The following HIVEP3 variants were observed in gnomAD, a reference collection of about 807,000 sequenced individuals.
HIVEP3 encodes transcription factor HIVEP3.
Under a neutral mutation model 152.8 loss-of-function variants are expected in HIVEP3, and 49 were observed. The observed-to-expected ratio is 0.32, with a 90% CI of 0.26 to 0.41. The LOEUF is 0.41. Among genes scored for constraint, HIVEP3 ranks in the 10% least tolerant of loss-of-function variants. HIVEP3 has a pLI of 1.00. For synonymous variants in HIVEP3, 1,269 were observed against 1,289.0 expected (o/e 0.98, Z 0.33); for missense variants, 2,790 against 3,103.3 (o/e 0.90, Z 2.40).
At chr1:41,612,415 A>C (rs1252507829) in intron 3 of HIVEP3, among the ~76,000 whole-genome samples, 1 of 152,106 alleles carries the variant, frequency 6.6e-6, no homozygotes, top group African/African-American at 2.4e-5. Flanking sequence ...CTCCTTGCAG[A>C]CCTCCTGTTC....
At chr1:41,777,284 C>T (rs958839074) in intron 1 of HIVEP3, among the ~76,000 whole-genome samples, 16 of 152,216 alleles carry the variant, frequency 1.1e-4, no homozygotes, top group African/African-American at 2.9e-4. Flanking sequence ...AGGAACAAAG[C>T]GGGGACTCAC....
At chr1:41,730,018 G>A (rs1186243544) in intron 1 of HIVEP3, among the ~76,000 whole-genome samples, 4 of 152,192 alleles carry the variant, frequency 2.6e-5, no homozygotes, top group Non-Finnish European at 5.9e-5. Context: ...AAAGTGAGTC[G>A]GCCAAGGTCC....
intron 1 of HIVEP3, among the ~76,000 whole-genome samples, chr1:41,713,707 G>A (rs1646548737): frequency 6.6e-6 from 1 of 152,192 alleles, no homozygotes; most frequent in Non-Finnish European, 1.5e-5. Flanking sequence ...GAACTCTCCA[G>A]TGACAGGGAA....
chr1:41,922,413 A>T (rs1644946072), upstream of HIVEP3, among the ~76,000 whole-genome samples: 1 of 152,208 alleles, frequency 6.6e-6, no homozygotes, highest in Admixed American at 6.5e-5. Context: ...TGAAAAAGAA[A>T]GGTATGTTCA....
At chr1:41,865,348 G>T (rs1643949430) in intron 1 of HIVEP3, among the ~76,000 whole-genome samples, 1 of 152,188 alleles carries the variant, frequency 6.6e-6, no homozygotes, top group African/African-American at 2.4e-5. Context: ...AATGCCATTT[G>T]CCACCTCTGG....
intron 5 of HIVEP3, among the ~76,000 whole-genome samples, chr1:41,525,836 C>A (rs370895028): frequency 6.6e-6 from 1 of 152,228 alleles, no homozygotes; most frequent in African/African-American, 2.4e-5. Context: ...GTCTCAGATG[C>A]GGTGGGGAGG....
intron 5 of HIVEP3, among the ~76,000 whole-genome samples, chr1:41,534,890 G>T (rs1217895006): frequency 6.6e-6 from 1 of 152,192 alleles, no homozygotes; most frequent in African/African-American, 2.4e-5. Context: ...CGGGAGAGGT[G>T]GGCAGGACAC....
intron 2 of HIVEP3, among the ~76,000 whole-genome samples, chr1:41,635,489 T>TATACAC (rs151222285): frequency 2.0e-5 from 3 of 147,362 alleles, no homozygotes; most frequent in African/African-American, 7.6e-5. Context: ...TATATATATA[T>TATACAC]ACACACACAT....
At chr1:41,709,208 C>T (rs577609326) in intron 1 of HIVEP3, among the ~76,000 whole-genome samples, 9 of 152,298 alleles carry the variant, frequency 5.9e-5, no homozygotes, top group South Asian at 2.1e-4. Context: ...CTGGGCTGTA[C>T]GTTTTTCAGC....
chr1:41,566,904 C>T (rs1644172718), intron 5 of HIVEP3, among the ~76,000 whole-genome samples: 1 of 152,074 alleles, frequency 6.6e-6, no homozygotes, highest in South Asian at 2.1e-4. Flanking sequence ...TTTCTTTCTT[C>T]TCCATCTCCC....
At chr1:41,639,895 C>G (rs957810377) in intron 2 of HIVEP3, among the ~76,000 whole-genome samples, 3 of 152,168 alleles carry the variant, frequency 2.0e-5, no homozygotes, top group African/African-American at 7.2e-5. Context: ...CAATGGAGCC[C>G]AGTCATTGAT....
intron 1 of HIVEP3, among the ~76,000 whole-genome samples, chr1:41,715,862 T>C (rs1042689076): frequency 1.3e-5 from 2 of 152,204 alleles, no homozygotes; most frequent in Non-Finnish European, 2.9e-5. Context: ...ACCTTAGCAT[T>C]TCTCTATGTC....
At chr1:41,685,446 A>G (rs1467840809) in intron 2 of HIVEP3, among the ~76,000 whole-genome samples, 3 of 152,204 alleles carry the variant, frequency 2.0e-5, no homozygotes, top group Admixed American at 6.5e-5. Context: ...ACTGCACTGT[A>G]AGTTCCTCAA....
At chr1:41,899,726 C>T (rs140941395) in intron 1 of HIVEP3, among the ~76,000 whole-genome samples, 88 of 152,306 alleles carry the variant, frequency 5.8e-4, no homozygotes, top group African/African-American at 2.0e-3. Flanking sequence ...CTAATGAGCA[C>T]GCTCATGAAA....
At chr1:41,637,891 A>T (rs1317682535) in intron 2 of HIVEP3, among the ~76,000 whole-genome samples, 1 of 152,224 alleles carries the variant, frequency 6.6e-6, no homozygotes, top group Non-Finnish European at 1.5e-5. Flanking sequence ...TAAGCACAGA[A>T]CTTCAGTTTT....
At chr1:41,828,942 A>C (rs891849133) in intron 1 of HIVEP3, among the ~76,000 whole-genome samples, 6 of 152,266 alleles carry the variant, frequency 3.9e-5, no homozygotes, top group Non-Finnish European at 8.8e-5. Flanking sequence ...CAGAATTTAC[A>C]GTAAAAATCT....
At chr1:41,529,837 TCA>T (rs748772246) in intron 5 of HIVEP3, among the ~76,000 whole-genome samples, 15 of 68,952 alleles carry the variant, frequency 2.2e-4, no homozygotes, top group Non-Finnish European at 3.5e-4. Context: ...ACCCCCACAT[TCA>T]CAGTCACCCC....
chr1:41,707,085 TA>T (rs1430144013), intron 1 of HIVEP3, among the ~76,000 whole-genome samples: 1 of 152,206 alleles, frequency 6.6e-6, no homozygotes, highest in African/African-American at 2.4e-5. Context: ...AAAGGCAGGG[TA>T]CTCTGGTGGA....
intron 3 of HIVEP3, among the ~76,000 whole-genome samples, chr1:41,592,798 T>C (rs1644606224): frequency 1.3e-5 from 2 of 152,216 alleles, no homozygotes; most frequent in African/African-American, 4.8e-5. Flanking sequence ...CAGGTCAGGG[T>C]ATCCCACAGC....
Sources: gnomAD v4.1 joint callset for allele counts (sites outside exome capture counted in the v4.1 genomes callset) on GRCh38, gnomAD v4.1.1 for gene constraint, MANE v1.5 for transcripts, NCBI Gene and HGNC (gene_info 2026-07-23, HGNC 2026-07-21) for gene names.